Variants in ALAS2 observed in about 807,000 individuals in gnomAD.
ALAS2 encodes the protein 5'-aminolevulinate synthase 2, also known as 5-aminolevulinate synthase, erythroid-specific, mitochondrial.
In ALAS2, 3 loss-of-function variants were observed where a neutral mutation model predicts 33.7. The ratio of observed to expected loss-of-function variants is 0.09; its 90% CI spans 0.04 to 0.23. The LOEUF is 0.23. ALAS2 is among the 10% of genes least tolerant of loss of function. The pLI, the probability that ALAS2 is intolerant of heterozygous loss-of-function variation, is 1.00. For missense variants in ALAS2, 304 were observed against 475.1 expected (o/e 0.64, Z 3.35); for synonymous variants, 191 against 177.3 (o/e 1.08, Z -0.61).
In ALAS2 at chrX:55,015,592, A is replaced by G. The variant is rs1935685260; in HGVS notation, c.1154T>C (p.Ile385Thr). Reference sequence around the variant, plus strand: ...CATTCACTTACCAAGAGTTCCAGAGATGATGTCAATCTTATGCATAATTCC... The same window carrying G: ...CATTCACTTACCAAGAGTTCCAGAGGTGATGTCAATCTTATGCATAATTCC... ...RDGIMHKIDI[I>T]SGTLGKAFGC... The change falls in exon 8 of 11, where the codon ATC (isoleucine) becomes ACC (threonine). Residue 385 changes from isoleucine (I) to threonine (T), a missense_variant. Ile to Thr is a moderately conservative substitution (Grantham distance 89). Coordinates refer to ENST00000650242, the MANE Select transcript of ALAS2 (RefSeq NM_000032.5). 1 of 1,211,417 alleles carries G rather than the reference A, an allele frequency of 8.3e-7. No individual in the cohort carries two copies. The highest frequency in any genetic ancestry group is 3.0e-5 in the East Asian group (1 of 33,808).
intron 1 of ALAS2, among the ~76,000 whole-genome samples, chrX:55,030,702 A>G (rs1935981821): frequency 8.9e-6 from 1 of 111,931 alleles, no homozygotes; most frequent in Middle Eastern, 4.6e-3. Flanking sequence ...ATGAAATGAA[A>G]TGAATGATCT....
At chrX:55,028,507 TGGA>T (rs1211289642) in intron 1 of ALAS2, among the ~76,000 whole-genome samples, 1 of 111,530 alleles carries the variant, frequency 9.0e-6, no homozygotes, top group Non-Finnish European at 1.9e-5. Flanking sequence ...CTTGGGATGG[TGGA>T]GAAGACCTAC....
At chrX:55,018,382 A>T (rs749995348) in intron 6 of ALAS2, among the ~76,000 whole-genome samples, 20 of 111,362 alleles carry the variant, frequency 1.8e-4, no homozygotes, top group Admixed American at 3.8e-4. Flanking sequence ...TGGCCTTATT[A>T]TAAGATTAAG....
At chrX:55,019,378 A>T (rs1424795203) in intron 6 of ALAS2, among the ~76,000 whole-genome samples, 2 of 111,248 alleles carry the variant, frequency 1.8e-5, no homozygotes, top group Non-Finnish European at 3.8e-5. Context: ...GATGCTTATG[A>T]GTTTGTAGGT....
chrX:55,018,526 G>C (rs188522053), intron 6 of ALAS2, among the ~76,000 whole-genome samples: 2 of 112,061 alleles, frequency 1.8e-5, no homozygotes, highest in African/African-American at 6.5e-5. Flanking sequence ...ATAAGAGTAA[G>C]CACACAGTAG....
At chrX:55,027,365 T>G (rs1935909087) in intron 1 of ALAS2, among the ~76,000 whole-genome samples, 2 of 101,752 alleles carry the variant, frequency 2.0e-5, no homozygotes, top group Non-Finnish European at 2.0e-5. Flanking sequence ...GAGAAGAGAG[T>G]AGAGAAAATG....
Position 55,009,209 on chromosome X carries a change from C to T in ALAS2, c.1735G>A (p.Gly579Arg). Reference sequence around the variant, plus strand: ...GCATAGGTGGTGACATACTGGGGCCCCATGTTCCCGAAGTAGGAACGTTCC... The same window carrying T: ...GCATAGGTGGTGACATACTGGGGCCTCATGTTCCCGAAGTAGGAACGTTCC... ...EWERSYFGNMGPQYVTTYA is the reference protein window; with the variant it reads ...EWERSYFGNMRPQYVTTYA The change falls in exon 11 of 11, where the codon GGG (glycine) becomes AGG (arginine). Residue 579 changes from glycine (G) to arginine (R), a missense_variant. Gly to Arg is a moderately radical substitution (Grantham distance 125). This residue lies in a region of ALAS2 where 95 missense variants were observed against 127.0 expected (regional missense o/e 0.75). Transcript: ENST00000650242. The T allele has an allele frequency of 8.3e-7, 1 of 1,208,203 alleles. No individual in the cohort carries two copies.
At chrX:55,017,074 C>T (rs1935713579) in intron 7 of ALAS2, among the ~76,000 whole-genome samples, 3 of 111,770 alleles carry the variant, frequency 2.7e-5, no homozygotes, top group South Asian at 7.5e-4. Context: ...AAGTGTTACT[C>T]GAGGAATTGG....
intron 6 of ALAS2, among the ~76,000 whole-genome samples, chrX:55,019,799 C>G (rs997768702): frequency 8.1e-5 from 9 of 111,446 alleles, no homozygotes; most frequent in Non-Finnish European, 1.7e-4. Context: ...TGGTTTTAGG[C>G]AGAAGGAGAG....
At chrX:55,023,719 T>C in intron 4 of ALAS2, 38 bp downstream of exon 4, 1 of 1,117,003 alleles carries the variant, frequency 9.0e-7, no homozygotes, top group Non-Finnish European at 1.2e-6. Flanking sequence ...ATGCCTTCCC[T>C]ATTCCGGTCC....
chrX:55,013,892 C>T (rs1411925279), intron 9 of ALAS2, among the ~76,000 whole-genome samples: 1 of 110,911 alleles, frequency 9.0e-6, no homozygotes, highest in Non-Finnish European at 1.9e-5. Context: ...AAGCTGTTTG[C>T]AGAGCAAGCA....
chrX:55,018,276 C>T (rs771307759), intron 6 of ALAS2, among the ~76,000 whole-genome samples: 1 of 111,659 alleles, frequency 9.0e-6, no homozygotes, highest in South Asian at 3.8e-4. Flanking sequence ...ACTGGGCAAT[C>T]CTGGTGGGGC....
chrX:55,015,172 G>A lies in ALAS2; in HGVS notation c.1169-157C>T, dbSNP rs17250674. ...ATCTGTCCATGACAAGGCAGTCGTAGCTGATAATTCTGCTGCTTTGAGATA... is the reference window on the plus strand; with the variant it reads ...ATCTGTCCATGACAAGGCAGTCGTAACTGATAATTCTGCTGCTTTGAGATA... On this transcript the variant is annotated intron_variant, in intron 8 of 10. Transcript: ENST00000650242. 0.029 allele frequency among the ~76,000 whole-genome samples: 3,280 copies of A among 111,795 alleles called. 49 individuals are homozygous for A. Among genetic ancestry groups the A allele is most frequent in the Non-Finnish European group, 0.046 (2,421 of 53,119 alleles).
chrX:55,015,681 G>A lies in ALAS2; in HGVS notation c.1065C>T (p.Phe355=), dbSNP rs1288410106. The change falls in exon 8 of 11, where the codon TTC becomes TTT. Residue 355 remains phenylalanine (F), a synonymous_variant. Transcript: ENST00000650242. ...DVSHQYGALT[F]VDEVHAVGLY... ...GTCCTACAGCATGGACCTCATCCAC[G>A]AAGGTCAGGGCCCCATACTGGTGGG... is the stretch of plus-strand genomic sequence containing the variant. The A allele has an allele frequency of 1.3e-5, 16 of 1,211,093 alleles. No individual in the cohort carries two copies. In the East Asian group the frequency reaches 3.3e-4, roughly 25 times the overall value.
Position 55,025,857 on chromosome X carries a change from A to G in ALAS2, c.144T>C (p.Cys48=). The change falls in exon 2 of 11, where the codon TGT becomes TGC. Residue 48 remains cysteine, a synonymous_variant. Coordinates refer to ENST00000650242, the MANE Select transcript of ALAS2 (RefSeq NM_000032.5). Reference sequence around the variant, plus strand: ...TTGTTGCCTTAAGGTGGATTTGAGAACAGTTTGGTCCTTGGGTAGCCAGGA... The same window carrying G: ...TTGTTGCCTTAAGGTGGATTTGAGAGCAGTTTGGTCCTTGGGTAGCCAGGA... The part of the protein sequence containing the change: ...CPILATQGPN[C]SQIHLKATKA... The G allele has an allele frequency of 4.1e-6, 5 of 1,211,768 alleles. No individual in the cohort carries two copies. The South Asian group carries it at 8.8e-5, about 21-fold the overall frequency.
chrX:55,026,686 G>A (rs148551330), intron 1 of ALAS2, among the ~76,000 whole-genome samples: 163 of 112,237 alleles, frequency 1.5e-3, no homozygotes, highest in Middle Eastern at 4.6e-3. Flanking sequence ...GCAAGTCCCA[G>A]TGGGGCTGGA....
At chrX:55,020,566 G>T (rs749452630) in intron 5 of ALAS2, 62 bp from the exon 6 acceptor site, 520 of 1,075,395 alleles carry the variant, frequency 4.8e-4, no homozygotes, top group Non-Finnish European at 6.1e-4. Context: ...TCGAGGAACT[G>T]GGTAGGTTTC....
At chrX:55,023,620 G>C in intron 4 of ALAS2, 137 bp downstream of exon 4, 1 of 537,556 alleles carries the variant, frequency 1.9e-6, no homozygotes, top group Non-Finnish European at 3.2e-6. Context: ...GATCCAGCAA[G>C]TGCCAGCATT....
chrX:55,029,531 T>C (rs1051083174), intron 1 of ALAS2, among the ~76,000 whole-genome samples: 1 of 111,709 alleles, frequency 9.0e-6, no homozygotes, highest in African/African-American at 3.3e-5. Context: ...CAAATATTAC[T>C]ACCTTTTTTT....
Sources: allele counts gnomAD v4.1 joint callset (sites outside exome capture counted in the v4.1 genomes callset), GRCh38; gene constraint gnomAD v4.1.1; regional missense constraint gnomAD v4.1.1; transcripts MANE v1.5; gene names NCBI Gene and HGNC (gene_info 2026-07-23, HGNC 2026-07-21).